NEURL1: variants seen among roughly 807,000 people sequenced by gnomAD.
NEURL1 encodes the protein neuralized E3 ubiquitin protein ligase 1.
Under a neutral mutation model 41.2 loss-of-function variants are expected in NEURL1, and 26 were observed. The ratio of observed to expected loss-of-function variants is 0.63; its 90% CI spans 0.46 to 0.87. The LOEUF (loss-of-function observed/expected upper bound fraction) is 0.87. Among genes scored for constraint, NEURL1 ranks in the 40% least tolerant of loss-of-function variants. The pLI is 0.00. For missense variants in NEURL1, 761 were observed against 871.1 expected, an observed-to-expected ratio of 0.87 and a Z score of 1.59; for synonymous variants, 400 against 402.3, an observed-to-expected ratio of 0.99 and a Z score of 0.07.
At chr10:103,544,235 C>T (rs1220654789) in intron 1 of NEURL1, among the ~76,000 whole-genome samples, 1 of 152,142 alleles carries the variant, frequency 6.6e-6, no homozygotes, top group Non-Finnish European at 1.5e-5. Context: ...CACCAGATTT[C>T]CGGCCTGGAT....
chr10:103,536,871 T>C (rs1360426962), intron 1 of NEURL1, among the ~76,000 whole-genome samples: 1 of 152,214 alleles, frequency 6.6e-6, no homozygotes, highest in Admixed American at 6.5e-5. Flanking sequence ...CAGAACTTTG[T>C]TCATTTTCCC....
intron 1 of NEURL1, among the ~76,000 whole-genome samples, chr10:103,497,060 C>T (rs571507089): frequency 2.6e-5 from 4 of 152,144 alleles, no homozygotes; most frequent in Admixed American, 1.3e-4. Context: ...CCATGAAGGC[C>T]GCCAGTTGTT....
chr10:103,559,864 A>G (rs961025954), intron 1 of NEURL1, among the ~76,000 whole-genome samples: 4 of 151,888 alleles, frequency 2.6e-5, no homozygotes, highest in African/African-American at 9.7e-5. Context: ...ACACATGTAC[A>G]TGTACACATA....
At chr10:103,586,825 T>C (rs942927037) in intron 4 of NEURL1, among the ~76,000 whole-genome samples, 5 of 152,086 alleles carry the variant, frequency 3.3e-5, no homozygotes, top group Admixed American at 2.6e-4. Flanking sequence ...GAGGCAGATG[T>C]ATTGCTTGAG....
At chr10:103,538,252 G>A (rs577457800) in intron 1 of NEURL1, among the ~76,000 whole-genome samples, 4 of 151,656 alleles carry the variant, frequency 2.6e-5, no homozygotes, top group Middle Eastern at 3.4e-3. Context: ...GAGCTACCAC[G>A]CCGGGCTTAA....
At chr10:103,505,662 GC>G (rs2033929869) in intron 1 of NEURL1, among the ~76,000 whole-genome samples, 1 of 152,212 alleles carries the variant, frequency 6.6e-6, no homozygotes, top group East Asian at 1.9e-4. Context: ...ACCATGTCCA[GC>G]CAGCCAGCTC....
At chr10:103,582,764 T>C (rs2035807251) in intron 3 of NEURL1, among the ~76,000 whole-genome samples, 1 of 152,156 alleles carries the variant, frequency 6.6e-6, no homozygotes, top group Non-Finnish European at 1.5e-5. Flanking sequence ...GCACAGATTC[T>C]CCCTTGGAGA....
chr10:103,538,204 C>T (rs796975584), intron 1 of NEURL1, among the ~76,000 whole-genome samples: 5 of 151,978 alleles, frequency 3.3e-5, no homozygotes, highest in Non-Finnish European at 4.4e-5. Flanking sequence ...AAGTGATTGT[C>T]GTGCCTCAGC....
At chr10:103,540,747 G>T (rs1312723074) in intron 1 of NEURL1, among the ~76,000 whole-genome samples, 1 of 152,200 alleles carries the variant, frequency 6.6e-6, no homozygotes, top group Non-Finnish European at 1.5e-5. Flanking sequence ...AGGGTGATTT[G>T]TGTATAAAAT....
At chr10:103,515,811 G>T (rs1051941458) in intron 1 of NEURL1, among the ~76,000 whole-genome samples, 1 of 152,218 alleles carries the variant, frequency 6.6e-6, no homozygotes, top group Non-Finnish European at 1.5e-5. Context: ...GGAGGATGGA[G>T]TTAAGAGGGA....
Position 103,508,224 on chromosome 10 carries a change from A to G in NEURL1, c.85+13752A>G, listed in dbSNP as rs1171077797. Among the ~76,000 whole-genome samples, 2 of 151,556 alleles carry G rather than the reference A, an allele frequency of 1.3e-5. No individual in the cohort carries two copies. ...CTCGAATTTGAAAAGCATGTAACCAACCCCTCTCCCCTCCCATGACAGAAT... is the reference window on the plus strand; with the variant it reads ...CTCGAATTTGAAAAGCATGTAACCAGCCCCTCTCCCCTCCCATGACAGAAT... On this transcript the variant is annotated intron_variant, in intron 1 of 5. Transcript: ENST00000369780. This position sits in a 1 kb window ranked among gnomAD's most constrained non-coding sequence, Gnocchi z 4.3.
intron 1 of NEURL1, among the ~76,000 whole-genome samples, chr10:103,533,575 C>G (rs529074638): frequency 1.1e-4 from 17 of 149,044 alleles, no homozygotes; most frequent in African/African-American, 4.2e-4. Context: ...CTCACTCTGT[C>G]GCCCAGGCTG....
chr10:103,494,231 G>C lies in NEURL1; in HGVS notation c.-157G>C. The C allele has an allele frequency of 1.8e-6, 1 of 556,666 alleles. No individual in the cohort carries two copies. Among genetic ancestry groups the C allele is most frequent in the Non-Finnish European group, 3.1e-6 (1 of 323,994 alleles). 34.5% of individuals were successfully genotyped at this position (556,666 alleles called of 1,614,324 possible). ...CCAAGGACCGCGAAGTCCAGAGAAA[G>C]GAAGCTGAGGAGCTGCCCGCCCGCC... On this transcript the variant is annotated 5_prime_UTR_variant, in exon 1 of 6. Transcript: ENST00000369780.
chr10:103,530,201 A>G (rs967806345), intron 1 of NEURL1, among the ~76,000 whole-genome samples: 1 of 148,562 alleles, frequency 6.7e-6, no homozygotes, highest in Non-Finnish European at 1.5e-5. Context: ...TTTTATTTCT[A>G]CTCTGGTCTT....
chr10:103,573,740 T>C (rs2035597380), intron 3 of NEURL1, among the ~76,000 whole-genome samples: 1 of 152,198 alleles, frequency 6.6e-6, no homozygotes, highest in South Asian at 2.1e-4. Flanking sequence ...GCCACAGTCT[T>C]GTTGAGGGGT....
At chr10:103,523,836 A>G (rs1320982683) in intron 1 of NEURL1, among the ~76,000 whole-genome samples, 3 of 152,078 alleles carry the variant, frequency 2.0e-5, no homozygotes, top group Admixed American at 2.0e-4. Flanking sequence ...GTCTTTATCC[A>G]TTTACTTGTT....
intron 1 of NEURL1, among the ~76,000 whole-genome samples, chr10:103,528,616 A>G (rs984475050): frequency 2.0e-5 from 3 of 152,210 alleles, no homozygotes; most frequent in Admixed American, 2.0e-4. Context: ...ACAAAAGGTG[A>G]TATCAGGAAG....
intron 3 of NEURL1, among the ~76,000 whole-genome samples, chr10:103,582,426 C>T (rs1267369629): frequency 6.6e-6 from 1 of 152,154 alleles, no homozygotes; most frequent in Non-Finnish European, 1.5e-5. Flanking sequence ...AGTCAATTCC[C>T]TGGAATAATC....
At chr10:103,501,307 G>A (rs576383367) in intron 1 of NEURL1, among the ~76,000 whole-genome samples, 4 of 152,264 alleles carry the variant, frequency 2.6e-5, no homozygotes, top group South Asian at 2.1e-4. Flanking sequence ...GGGAGAGGAG[G>A]AGATGAGGCA....
Sources: allele counts gnomAD v4.1 joint callset (sites outside exome capture counted in the v4.1 genomes callset), GRCh38; gene constraint gnomAD v4.1.1; non-coding constraint Gnocchi (gnomAD v3.1); transcripts MANE v1.5; gene names NCBI Gene and HGNC (gene_info 2026-07-23, HGNC 2026-07-21).